The following LMNTD2 variants were observed in gnomAD, a reference collection of about 807,000 sequenced individuals.
LMNTD2 encodes the protein lamin tail domain containing 2.
In LMNTD2, 83 loss-of-function variants were observed where a neutral mutation model predicts 70.1. The observed-to-expected ratio is 1.18, with a 90% CI of 0.99 to 1.42. LMNTD2 has a LOEUF of 1.42. Ranked by LOEUF, LMNTD2 falls within the 40% of genes most tolerant of loss-of-function variation. LMNTD2 has a pLI of 0.00. For synonymous variants in LMNTD2, 534 were observed against 406.1 expected, an observed-to-expected ratio of 1.31 and a Z score of -3.79; for missense variants, 1,153 against 905.9, an observed-to-expected ratio of 1.27 and a Z score of -3.50.
intron 1 of LMNTD2, chr11:559,506 A>T (rs968824780): frequency 7.8e-7 from 1 of 1,276,900 alleles, no homozygotes; most frequent in African/African-American, 1.5e-5. Flanking sequence ...AGCCTGGAGG[A>T]GGTGTGAGAG....
intron 1 of LMNTD2, chr11:559,604 C>T: frequency 1.7e-6 from 2 of 1,185,002 alleles, no homozygotes; most frequent in Non-Finnish European, 2.1e-6. Flanking sequence ...AGCCTGGCAG[C>T]AGCAGCGGGA....
Position 555,118 on chromosome 11 carries a change from G to T in LMNTD2, c.1774-7C>A. The T allele has an allele frequency of 7.6e-6, 11 of 1,456,894 alleles. No homozygotes were observed. Among genetic ancestry groups the T allele is most frequent in the Non-Finnish European group, 1.0e-5 (11 of 1,101,770 alleles). The allele number at this position is 1,456,894 out of a possible 1,614,324, so 90.2% of individuals were successfully genotyped here. Reference sequence around the variant, plus strand: ...CCACGCTCTTCCGGCACACCTGGGGGGCGCGGGGGCTGAGAGGCGCGCGGG... The same window carrying T: ...CCACGCTCTTCCGGCACACCTGGGGTGCGCGGGGGCTGAGAGGCGCGCGGG... On this transcript the variant is annotated splice_region_variant and splice_polypyrimidine_tract_variant and intron_variant, in intron 13 of 13. Transcript: ENST00000329451.
intron 1 of LMNTD2, 55 bp from the exon 2 acceptor site, chr11:559,034 T>C: frequency 6.3e-7 from 1 of 1,577,396 alleles, no homozygotes; most frequent in Non-Finnish European, 8.6e-7. Flanking sequence ...TGGCCAGACT[T>C]GGGGGCCATT....
Position 556,226 on chromosome 11 carries a change from G to A in LMNTD2, c.1223C>T (p.Pro408Leu), listed in dbSNP as rs1251124544. The change falls in exon 10 of 14, where the codon CCG (proline) becomes CTG (leucine). Residue 408 changes from proline to leucine, a missense_variant. Physicochemically the swap from Pro to Leu is moderately conservative, Grantham distance 98. Transcript: ENST00000329451. ...GFPERLYRFP[P>L]GTLLAPRHHV... ...GTGCCGCGGGGCCAGCAGCGTGCCC[G>A]GCGGGAAGCGGTACAGGCGCTCCGG... 15 of 1,494,002 alleles carry A rather than the reference G, an allele frequency of 1.0e-5. No homozygotes were observed. The Admixed American group carries it at 3.3e-4, about 32-fold the overall frequency. The allele number at this position is 1,494,002 out of a possible 1,614,324, so 92.5% of individuals were successfully genotyped here.
At position 556,184 on chromosome 11, in the gene LMNTD2, G is replaced by C; in HGVS notation, c.1257+8C>G. The C allele has an allele frequency of 2.2e-6, 3 of 1,375,334 alleles. No homozygotes were observed. Among genetic ancestry groups the C allele is most frequent in the Non-Finnish European group, 2.8e-6 (3 of 1,072,136 alleles). 85.2% of individuals were successfully genotyped at this position (1,375,334 alleles called of 1,614,324 possible). A position where few individuals can be genotyped will look rare whatever the true frequency, so the allele number is the denominator to read the frequency against. ...CCGTCGGGGCCGGGCTCCCGGGCCGGGGCGCACCGTGACGTGGTGCCGCGG... is the reference window on the plus strand; with the variant it reads ...CCGTCGGGGCCGGGCTCCCGGGCCGCGGCGCACCGTGACGTGGTGCCGCGG... On this transcript the variant is annotated splice_region_variant and intron_variant, in intron 10 of 13. Transcript: ENST00000329451.
chr11:556,964 A>G lies in LMNTD2; in HGVS notation c.847T>C (p.Ser283Pro). 6.2e-7 allele frequency: 1 copy of G among 1,605,248 alleles called. No homozygotes were observed. The highest frequency in any genetic ancestry group is 1.3e-5 in the African/African-American group (1 of 74,996). ...LNTSSSGGADSDSSSCRPGLP... is the reference protein window; with the variant it reads ...LNTSSSGGADPDSSSCRPGLP... Reference sequence around the variant, plus strand: ...CCCGGCCGGCAGCTGCTGGAGTCGGAGTCAGCGCCCCCTGAGCTGCTGGTG... The same window carrying G: ...CCCGGCCGGCAGCTGCTGGAGTCGGGGTCAGCGCCCCCTGAGCTGCTGGTG... The change falls in exon 8 of 14, where the codon TCC (serine) becomes CCC (proline). Residue 283 changes from serine (S) to proline (P), a missense_variant. Coordinates refer to ENST00000329451, the MANE Select transcript of LMNTD2 (RefSeq NM_173573.3).
intron 13 of LMNTD2, 67 bp from the exon 14 acceptor site, chr11:555,178 AGAGGGGAGGGGCGGGGAGGAGAGCG>A (rs1852738624): frequency 2.1e-5 from 7 of 331,426 alleles, no homozygotes; most frequent in African/African-American, 5.8e-5. Flanking sequence ...GGAGGGGAGG[AGAGGGGAGGGGCGGGGAGGAGAGCG>A]GAGGGGAGGG....
At position 555,031 on chromosome 11, in the gene LMNTD2, G is replaced by A. The variant is rs781072455; in HGVS notation, c.1854C>T (p.Phe618=). ...VQNTAESRFG[F]RFLSCLPVTA... is the part of the protein sequence containing the mutation. ...TGACCGGCAGGCAGCTGAGGAAGCG[G>A]AAGCCGAATCTGCTCTCCGCCGTGT... is the stretch of plus-strand genomic sequence containing the variant. The change falls in exon 14 of 14, where the codon TTC becomes TTT. Residue 618 remains phenylalanine (F), a synonymous_variant. Transcript: ENST00000329451. 1.9e-6 allele frequency: 3 copies of A among 1,593,854 alleles called. No individual in the cohort carries two copies. Among genetic ancestry groups the A allele is most frequent in the South Asian group, 1.1e-5 (1 of 89,192 alleles).
intron 1 of LMNTD2, chr11:560,232 C>A: frequency 1.1e-6 from 1 of 885,624 alleles, no homozygotes; most frequent in Non-Finnish European, 1.4e-6. Flanking sequence ...ATCAATGGCC[C>A]ACACAGCTGA....
At position 555,130 on chromosome 11, in the gene LMNTD2, G is replaced by T; in HGVS notation, c.1774-19C>A. The T allele has an allele frequency of 1.5e-6, 2 of 1,297,932 alleles. No homozygotes were observed. Among genetic ancestry groups the T allele is most frequent in the South Asian group, 1.7e-5 (1 of 58,980 alleles). The allele number at this position is 1,297,932 out of a possible 1,614,324, so 80.4% of individuals were successfully genotyped here. A position where few individuals can be genotyped will look rare whatever the true frequency, so the allele number is the denominator to read the frequency against. ...GGCACACCTGGGGGGCGCGGGGGCT[G>T]AGAGGCGCGCGGGGCGGGGCGGGGA... On this transcript the variant is annotated intron_variant, in intron 13 of 13. Coordinates refer to ENST00000329451, the MANE Select transcript of LMNTD2 (RefSeq NM_173573.3).
In LMNTD2 at chr11:556,491, C is replaced by G. The variant is rs1160211165; in HGVS notation, c.1073+1G>C. 6.4e-7 allele frequency: 1 copy of G among 1,551,044 alleles called. No homozygotes were observed. Among genetic ancestry groups the G allele is most frequent in the Non-Finnish European group, 8.7e-7 (1 of 1,147,260 alleles). On this transcript the variant is annotated splice_donor_variant, in intron 9 of 13. Transcript: ENST00000329451. LOFTEE classifies it high-confidence loss of function. ...GGAGGCTTGGGTCACTCGCCCCTTA[C>G]CTCTGCAGGAGTTCCGGGCTCCAGT...
chr11:557,411 C>T lies in LMNTD2; in HGVS notation c.701G>A (p.Ser234Asn), dbSNP rs775714829. The change falls in exon 7 of 14, where the codon AGC becomes AAC. Residue 234 changes from serine to asparagine, a missense_variant. Ser to Asn is a conservative substitution (Grantham distance 46). Transcript: ENST00000329451. ...TCTGTGCAGTTACTTTTGCTTTGAG[C>T]TGGGCTCCATGTTGGTGAAGAGGTT... ...YPNLFTNMEP[S>N]SKQKQPRPWP... 4.4e-6 allele frequency: 7 copies of T among 1,604,858 alleles called. No individual in the cohort carries two copies. Among genetic ancestry groups the T allele is most frequent in the Admixed American group, 1.7e-5 (1 of 58,692 alleles).
chr11:554,979 C>T lies in LMNTD2; in HGVS notation c.*1G>A, dbSNP rs1005743241. On this transcript the variant is annotated 3_prime_UTR_variant, in exon 14 of 14. Transcript: ENST00000329451. Reference sequence around the variant, plus strand: ...GCGGTCCCGGCCCCACTCCTCCGCCCCTAGGCGCCGCGGCAGGTGTCCGCG... The same window carrying T: ...GCGGTCCCGGCCCCACTCCTCCGCCTCTAGGCGCCGCGGCAGGTGTCCGCG... The T allele has an allele frequency of 7.0e-6, 11 of 1,574,026 alleles. No individual in the cohort carries two copies. Among genetic ancestry groups the T allele is most frequent in the Non-Finnish European group, 9.5e-6 (11 of 1,163,974 alleles).
intron 5 of LMNTD2, 41 bp from the exon 6 acceptor site, chr11:557,681 G>A: frequency 6.2e-7 from 1 of 1,612,652 alleles, no homozygotes; most frequent in Non-Finnish European, 8.5e-7. Context: ...GGGGCTGGGT[G>A]CTCCCCTACA....
At chr11:560,276 G>A (rs1237043625) in intron 1 of LMNTD2, 3 of 1,024,178 alleles carry the variant, frequency 2.9e-6, no homozygotes, top group Non-Finnish European at 2.3e-6. Flanking sequence ...CGGGACAGTA[G>A]GGTAGGGGGT....
Position 558,823 on chromosome 11 carries a change from A to G in LMNTD2, c.158+33T>C, listed in dbSNP as rs778361005. The G allele has an allele frequency of 1.0e-5, 16 of 1,596,534 alleles. No homozygotes were observed. In the South Asian group the frequency reaches 1.5e-4, roughly 15 times the overall value. On this transcript the variant is annotated intron_variant, in intron 2 of 13. Coordinates refer to ENST00000329451, the MANE Select transcript of LMNTD2 (RefSeq NM_173573.3). ...AGGCCGGCCCCTGGCCACCTGGCCC[A>G]GGAGGCTCACCAGTCCTCCCTCTCC...
chr11:559,019 C>T (rs760019415), intron 1 of LMNTD2, 40 bp from the exon 2 acceptor site: 12 of 1,586,952 alleles, frequency 7.6e-6, no homozygotes, highest in South Asian at 3.3e-5. Context: ...GTTTCTTCAA[C>T]CTCCTGGCCA....
chr11:558,084 G>A (rs1376755921), intron 4 of LMNTD2, 45 bp from the exon 5 acceptor site: 3 of 1,594,086 alleles, frequency 1.9e-6, no homozygotes, highest in Non-Finnish European at 2.6e-6. Context: ...GGTGTCTTCT[G>A]CAGAAGGCCC....
At position 556,592 on chromosome 11, in the gene LMNTD2, G is replaced by A; in HGVS notation, c.977-4C>T. On this transcript the variant is annotated splice_polypyrimidine_tract_variant and splice_region_variant and intron_variant, in intron 8 of 13. Transcript: ENST00000329451. ...GGTGAGTGGGTTTTCTGGAGATCTAGAGAGAGCAGCGCTTTTGGGGAGGGG... is the reference window on the plus strand; with the variant it reads ...GGTGAGTGGGTTTTCTGGAGATCTAAAGAGAGCAGCGCTTTTGGGGAGGGG... 1.3e-6 allele frequency: 2 copies of A among 1,524,764 alleles called. No individual in the cohort carries two copies. The highest frequency in any genetic ancestry group is 1.8e-6 in the Non-Finnish European group (2 of 1,136,618). The allele number at this position is 1,524,764 out of a possible 1,614,324, so 94.5% of individuals were successfully genotyped here. A position where few individuals can be genotyped will look rare whatever the true frequency, so the allele number is the denominator to read the frequency against.
Sources: allele counts gnomAD v4.1 joint callset, GRCh38; gene constraint gnomAD v4.1.1; transcripts MANE v1.5; gene names NCBI Gene and HGNC (gene_info 2026-07-23, HGNC 2026-07-21).